Variants in CELSR1 observed in about 807,000 individuals in gnomAD.
CELSR1 encodes the protein adhesion G protein-coupled receptor C1.
A neutral mutation model predicts 249.1 loss-of-function variants in CELSR1; 110 were observed. The ratio of observed to expected loss-of-function variants is 0.44; its 90% CI spans 0.38 to 0.52. The LOEUF (loss-of-function observed/expected upper bound fraction) is 0.52, where lower values mean the gene tolerates loss of function less well. CELSR1 is among the 20% of genes least tolerant of loss of function. The pLI is 0.00. For missense variants in CELSR1, 4,109 were observed against 4,296.4 expected, an observed-to-expected ratio of 0.96 and a Z score of 1.22; for synonymous variants, 2,113 against 1,900.0, an observed-to-expected ratio of 1.11 and a Z score of -2.92.
chr22:46,499,452 C>A (rs944379565), intron 1 of CELSR1, among the ~76,000 whole-genome samples: 4 of 152,164 alleles, frequency 2.6e-5, no homozygotes, highest in Non-Finnish European at 5.9e-5. Flanking sequence ...AGGACATAGA[C>A]GAACAGGCTT....
chr22:46,449,372 T>TCCATCCATCCAACCACCCATCACACAG (rs1407160130), intron 2 of CELSR1, among the ~76,000 whole-genome samples: 3 of 139,426 alleles, frequency 2.2e-5, no homozygotes, highest in African/African-American at 8.2e-5. Context: ...CACACATCCA[T>TCCATCCATCCAACCACCCATCACACAG]CCATCCATCC....
rs1278141739 is a variant in CELSR1 at position 46,535,204 on chromosome 22, C to A, written c.1967G>T (p.Gly656Val). Residue 656 changes from glycine (G) to valine (V), a missense_variant, in exon 1 of 35, where the codon GGG becomes GTG. By Grantham distance (109) the Gly-to-Val change is moderately radical. Coordinates refer to ENST00000674500, the MANE Select transcript of CELSR1 (RefSeq NM_001378328.1). ...DREEVEHYSF[G>V]VEAVDHGSPP... The stretch of plus-strand genomic sequence containing the variant: ...CGAGCCGTGGTCCACCGCCTCCACC[C>A]CGAAGCTGTAGTGCTCCACCTCCTC... 6.2e-7 allele frequency: 1 copy of A among 1,609,460 alleles called. No individual in the cohort carries two copies. The highest frequency in any genetic ancestry group is 8.5e-7 in the Non-Finnish European group (1 of 1,179,868).
chr22:46,396,892 G>C lies in CELSR1; in HGVS notation c.5702-146C>G. On this transcript the variant is annotated intron_variant, in intron 12 of 34. Transcript: ENST00000674500. The surrounding 1 kb of genome is among the most constrained non-coding windows in gnomAD (Gnocchi z 6.4). The stretch of plus-strand genomic sequence containing the variant: ...AGAGGAAGAGTGCCACAGAGTCCCC[G>C]AAAACACAGCGTTAGGCGGGTTAGA... 6 of 1,131,610 alleles carry C rather than the reference G, an allele frequency of 5.3e-6. No individual in the cohort carries two copies. The highest frequency in any genetic ancestry group is 7.5e-6 in the Non-Finnish European group (6 of 798,504). 70.1% of individuals were successfully genotyped at this position (1,131,610 alleles called of 1,614,324 possible). A position where few individuals can be genotyped will look rare whatever the true frequency, so the allele number is the denominator to read the frequency against.
chr22:46,370,896 G>A (rs554982517), intron 25 of CELSR1, among the ~76,000 whole-genome samples: 6 of 152,314 alleles, frequency 3.9e-5, no homozygotes, highest in East Asian at 3.9e-4. Context: ...AAAACAAACC[G>A]AAACCTGTTT....
Position 46,536,762 on chromosome 22 carries a change from C to T in CELSR1, c.409G>A (p.Gly137Ser). 8.5e-7 allele frequency: 1 copy of T among 1,183,410 alleles called. No homozygotes were observed. The highest frequency in any genetic ancestry group is 1.0e-6 in the Non-Finnish European group (1 of 957,952). 73.3% of individuals were successfully genotyped at this position (1,183,410 alleles called of 1,614,324 possible). ...LCGALCFPVPGGCAAAQHSAL... is the reference protein window; with the variant it reads ...LCGALCFPVPSGCAAAQHSAL... ...GAATGCTGCGCGGCCGCGCAGCCGC[C>T]GGGGACGGGGAAGCAGAGCGCCCCG... is the stretch of plus-strand genomic sequence containing the variant. The change falls in exon 1 of 35, where the codon GGC (glycine) becomes AGC (serine). Residue 137 changes from glycine to serine, a missense_variant. Gly to Ser is a moderately conservative substitution (Grantham distance 56). Around this residue, in one of 7 missense-constraint regions of CELSR1, gnomAD observed 673 missense variants for 636.8 expected, o/e 1.06. Coordinates refer to ENST00000674500, the MANE Select transcript of CELSR1 (RefSeq NM_001378328.1).
chr22:46,369,198 A>T lies in CELSR1; in HGVS notation c.7933T>A (p.Tyr2645Asn). Residue 2645 changes from tyrosine to asparagine, a missense_variant, in exon 27 of 35, where the codon TAT becomes AAT. Around this residue, in one of 7 missense-constraint regions of CELSR1, gnomAD observed 1,805 missense variants for 1,831.6 expected, o/e 0.99. Coordinates refer to ENST00000674500, the MANE Select transcript of CELSR1 (RefSeq NM_001378328.1). ...KVSCQRKHHY[Y>N]GKKGIVSLLR... ...ACTTACACGATCCCTTTTTTCCCAT[A>T]ATAATGGTGCTTTCTTTGGCAGGAA... 6.2e-7 allele frequency: 1 copy of T among 1,613,938 alleles called. No individual in the cohort carries two copies. Among genetic ancestry groups the T allele is most frequent in the Non-Finnish European group, 8.5e-7 (1 of 1,179,906 alleles).
chr22:46,397,591 A>G, intron 12 of CELSR1, 83 bp downstream of exon 12: 4 of 1,259,372 alleles, frequency 3.2e-6, no homozygotes, highest in South Asian at 2.1e-5. Flanking sequence ...TGGGGACGCT[A>G]ATGTCTAAAC....
chr22:46,363,731 T>C lies in CELSR1; in HGVS notation c.9035+265A>G. 1 of 528,740 alleles carries C rather than the reference T, an allele frequency of 1.9e-6. No homozygotes were observed. The highest frequency in any genetic ancestry group is 3.3e-6 in the Non-Finnish European group (1 of 302,246). The allele number at this position is 528,740 out of a possible 1,614,324, so 32.8% of individuals were successfully genotyped here. On this transcript the variant is annotated intron_variant, in intron 34 of 34. Coordinates refer to ENST00000674500, the MANE Select transcript of CELSR1 (RefSeq NM_001378328.1). This position sits in a 1 kb window ranked among gnomAD's most constrained non-coding sequence, Gnocchi z 4.3. ...CAAACGCAGAGCCCAGCACCTTAGG[T>C]CCTAGCATTTTGGGGCTGGCCAGGG...
At chr22:46,373,730 TG>T (rs1207599954) in intron 24 of CELSR1, among the ~76,000 whole-genome samples, 1 of 149,250 alleles carries the variant, frequency 6.7e-6, no homozygotes, top group Non-Finnish European at 1.5e-5. Context: ...ATGGGAGCAA[TG>T]GGAGCAATAG....
Position 46,398,649 on chromosome 22 carries a change from G to A in CELSR1, c.5413-12C>T, listed in dbSNP as rs200768249. The stretch of plus-strand genomic sequence containing the variant: ...ATATCTGCCTTGTTCTGTGCGGAGA[G>A]AGGGGCCGGGGATCTGGGGGCTGCA... On this transcript the variant is annotated splice_polypyrimidine_tract_variant and intron_variant, in intron 10 of 34. Coordinates refer to ENST00000674500, the MANE Select transcript of CELSR1 (RefSeq NM_001378328.1). The surrounding 1 kb of genome is among the most constrained non-coding windows in gnomAD (Gnocchi z 7.2). 1.2e-5 allele frequency: 19 copies of A among 1,599,200 alleles called. No homozygotes were observed. The highest frequency in any genetic ancestry group is 2.7e-5 in the African/African-American group (2 of 74,396).
In CELSR1 at chr22:46,471,055, T is replaced by G. The variant is rs1176743116; in HGVS notation, c.3545-6710A>C. 1.3e-5 allele frequency among the ~76,000 whole-genome samples: 2 copies of G among 151,302 alleles called. No homozygotes were observed. Among genetic ancestry groups the G allele is most frequent in the Non-Finnish European group, 2.9e-5 (2 of 67,876 alleles). On this transcript the variant is annotated intron_variant, in intron 1 of 34. Transcript: ENST00000674500. The surrounding 1 kb of genome is among the most constrained non-coding windows in gnomAD (Gnocchi z 4.9). ...CAGGAGAATCGCTTGAACCTGGGAG[T>G]CGGAGGTTGCAGTGAGCCAAGATGG...
chr22:46,420,550 T>C (rs960040211), intron 5 of CELSR1, among the ~76,000 whole-genome samples: 1 of 152,190 alleles, frequency 6.6e-6, no homozygotes, highest in Non-Finnish European at 1.5e-5. Flanking sequence ...CACACAGATA[T>C]ACTAGCACAC....
chr22:46,384,715 T>A (rs1042033763), intron 19 of CELSR1, 29 bp from the exon 20 acceptor site: 7 of 1,597,884 alleles, frequency 4.4e-6, no homozygotes, highest in Non-Finnish European at 6.0e-6. Context: ...TAATCAGACA[T>A]AACTCCCAGG....
chr22:46,514,587 AAGTC>A (rs1428379776), intron 1 of CELSR1, among the ~76,000 whole-genome samples: 25 of 152,116 alleles, frequency 1.6e-4, no homozygotes, highest in Admixed American at 1.6e-3. Flanking sequence ...CCCTTGCTGA[AAGTC>A]AGGGATAATG....
chr22:46,501,199 A>ATTTTTTTT (rs57293109), intron 1 of CELSR1, among the ~76,000 whole-genome samples: 2 of 108,554 alleles, frequency 1.8e-5, no homozygotes, highest in Non-Finnish European at 3.5e-5. Context: ...TGCCCGGCTA[A>ATTTTTTTT]TTTTTTTTTT....
intron 4 of CELSR1, among the ~76,000 whole-genome samples, chr22:46,435,916 G>C (rs1455002823): frequency 6.6e-6 from 1 of 151,374 alleles, no homozygotes; most frequent in Non-Finnish European, 1.5e-5. Flanking sequence ...GGTCAGGCTG[G>C]TCTCGATCTC....
In CELSR1 at chr22:46,369,779, C is replaced by G; in HGVS notation, c.7785G>C (p.Gln2595His). 1.2e-6 allele frequency: 2 copies of G among 1,613,198 alleles called. No homozygotes were observed. The highest frequency in any genetic ancestry group is 1.7e-6 in the Non-Finnish European group (2 of 1,179,996). ...AGCAGAAGTCGGGGTTCCCGTAGCC[C>G]TGGGGGTCCAGGCCGACCGCCAGTC... The part of the protein sequence containing the change: ...VTGLAVGLDP[Q>H]GYGNPDFCWL... Residue 2595 changes from glutamine (Q) to histidine (H), a missense_variant, in exon 26 of 35, where the codon CAG (glutamine) becomes CAC (histidine). This residue lies in a region of CELSR1 where 1,805 missense variants were observed against 1,831.6 expected (regional missense o/e 0.99). Coordinates refer to ENST00000674500, the MANE Select transcript of CELSR1 (RefSeq NM_001378328.1).
At position 46,464,890 on chromosome 22, in the gene CELSR1, C is replaced by G. The variant is rs957351845; in HGVS notation, c.3545-545G>C. Among the ~76,000 whole-genome samples, 3 of 152,172 alleles carry G rather than the reference C, an allele frequency of 2.0e-5. No individual in the cohort carries two copies. Among genetic ancestry groups the G allele is most frequent in the Non-Finnish European group, 2.9e-5 (2 of 68,024 alleles). ...CCCTGGTCCTGCCCAGGCGACATCC[C>G]CACCGACGTGCTGTGCTGAGGGTCC... is the stretch of plus-strand genomic sequence containing the variant. On this transcript the variant is annotated intron_variant, in intron 1 of 34. Coordinates refer to ENST00000674500, the MANE Select transcript of CELSR1 (RefSeq NM_001378328.1). The surrounding 1 kb of genome is among the most constrained non-coding windows in gnomAD (Gnocchi z 8.5).
At chr22:46,511,215 T>C (rs988191932) in intron 1 of CELSR1, among the ~76,000 whole-genome samples, 2 of 151,044 alleles carry the variant, frequency 1.3e-5, no homozygotes, top group Non-Finnish European at 2.9e-5. Flanking sequence ...ACATAGAAGA[T>C]GGACACCAAA....
Sources: allele counts gnomAD v4.1 joint callset (sites outside exome capture counted in the v4.1 genomes callset), GRCh38; gene constraint gnomAD v4.1.1; regional missense constraint gnomAD v4.1.1; non-coding constraint Gnocchi (gnomAD v3.1); transcripts MANE v1.5; gene names NCBI Gene and HGNC (gene_info 2026-07-23, HGNC 2026-07-21).